The following EYS variants were observed in gnomAD, a reference collection of about 807,000 sequenced individuals.
EYS encodes the protein protein eyes shut homolog.
In EYS, 250 loss-of-function variants were observed where a neutral mutation model predicts 282.1. The ratio of observed to expected loss-of-function variants is 0.89; its 90% confidence interval spans 0.80 to 0.98. EYS has a LOEUF of 0.98. EYS is among the 50% of genes least tolerant of loss of function. The probability of loss-of-function intolerance (pLI) is 0.00; values close to 1 mark genes in which losing one functional copy is unlikely to be tolerated. For synonymous variants in EYS, 1,355 were observed against 1,282.9 expected, an observed-to-expected ratio of 1.06 and a Z score of -1.20; for missense variants, 4,016 against 3,709.0, an observed-to-expected ratio of 1.08 and a Z score of -2.15.
At chr6:63,817,544 C>T (rs185140522) in intron 36 of EYS, among the ~76,000 whole-genome samples, 3 of 152,106 alleles carry the variant, frequency 2.0e-5, no homozygotes, top group African/African-American at 7.2e-5. Flanking sequence ...CTCTTCCCCC[C>T]AGTCTCCTGT....
intron 1 of EYS, among the ~76,000 whole-genome samples, chr6:65,678,809 A>C (rs1768717395): frequency 1.2e-5 from 1 of 84,676 alleles, no homozygotes; most frequent in Non-Finnish European, 2.6e-5. Flanking sequence ...ATGAAAATAT[A>C]CATCTCCAAA....
At chr6:65,018,875 C>A (rs1452893030) in intron 13 of EYS, among the ~76,000 whole-genome samples, 3 of 151,896 alleles carry the variant, frequency 2.0e-5, no homozygotes, top group African/African-American at 7.3e-5. Flanking sequence ...TTAAATATAG[C>A]TAGATTGTGC....
intron 2 of EYS, among the ~76,000 whole-genome samples, chr6:65,514,236 C>T (rs549682390): frequency 0.011 from 1,719 of 151,360 alleles, 21 homozygotes; most frequent in African/African-American, 0.012. Flanking sequence ...TTACAAGGGA[C>T]GTGAAGGACC....
At position 63,720,302 on chromosome 6, in the gene EYS, C is replaced by T; in HGVS notation, c.*294G>A. The stretch of plus-strand genomic sequence containing the variant: ...TTACACGTTGATTTTAAAATGTAAG[C>T]ATTAGGGATAGGTAAAAAGTGAATA... On this transcript the variant is annotated 3_prime_UTR_variant, in exon 43 of 43. Transcript: ENST00000503581. 1 of 383,096 alleles carries T rather than the reference C, an allele frequency of 2.6e-6. No individual in the cohort carries two copies. The highest frequency in any genetic ancestry group is 3.7e-5 in the East Asian group (1 of 27,216). 23.7% of individuals were successfully genotyped at this position (383,096 alleles called of 1,614,324 possible).
chr6:65,137,470 A>AAGCAC (rs1270931596), intron 12 of EYS, among the ~76,000 whole-genome samples: 3 of 152,088 alleles, frequency 2.0e-5, no homozygotes, highest in Admixed American at 2.0e-4. Context: ...GGCAATAGAA[A>AAGCAC]AGCACTGGAG....
At chr6:65,592,691 T>C (rs910151339) in intron 2 of EYS, among the ~76,000 whole-genome samples, 1 of 151,990 alleles carries the variant, frequency 6.6e-6, no homozygotes, top group Non-Finnish European at 1.5e-5. Flanking sequence ...GGCCCTGCCA[T>C]GATGCACCAC....
intron 31 of EYS, among the ~76,000 whole-genome samples, chr6:64,088,663 C>T (rs1482336985): frequency 6.6e-6 from 1 of 151,794 alleles, no homozygotes; most frequent in Non-Finnish European, 1.5e-5. Context: ...AAGCATAGTT[C>T]TGTAGTATGA....
intron 26 of EYS, among the ~76,000 whole-genome samples, chr6:64,458,993 A>G (rs1440884329): frequency 2.0e-5 from 3 of 152,190 alleles, no homozygotes; most frequent in African/African-American, 7.2e-5. Flanking sequence ...GTGGTTCCTT[A>G]TACGAATTCC....
chr6:65,694,105 C>T (rs1769345260), intron 1 of EYS, among the ~76,000 whole-genome samples: 1 of 149,772 alleles, frequency 6.7e-6, no homozygotes, highest in African/African-American at 2.4e-5. Flanking sequence ...CAAAATTAGC[C>T]AGGCGTGGTG....
chr6:64,561,404 A>T (rs1466762044), intron 26 of EYS, among the ~76,000 whole-genome samples: 1 of 152,148 alleles, frequency 6.6e-6, no homozygotes, highest in South Asian at 2.1e-4. Flanking sequence ...TGCAGACAAC[A>T]TGATTCTATA....
chr6:64,782,328 T>C (rs1013453006), intron 22 of EYS, among the ~76,000 whole-genome samples: 6 of 152,196 alleles, frequency 3.9e-5, no homozygotes, highest in Admixed American at 3.9e-4. Context: ...AGGAAACAAA[T>C]GTGTCTTGCT....
At chr6:65,646,154 C>A (rs1048479920) in intron 1 of EYS, among the ~76,000 whole-genome samples, 1 of 151,894 alleles carries the variant, frequency 6.6e-6, no homozygotes, top group South Asian at 2.1e-4. Context: ...TAAAGAAAGA[C>A]GGAATCCTCC....
intron 13 of EYS, among the ~76,000 whole-genome samples, chr6:65,020,825 A>T (rs564745020): frequency 6.6e-6 from 1 of 152,238 alleles, no homozygotes; most frequent in Admixed American, 6.5e-5. Context: ...CCAAACCTCA[A>T]TTCTTGTCTT....
At chr6:63,741,282 T>C (rs1242692883) in intron 41 of EYS, among the ~76,000 whole-genome samples, 1 of 152,196 alleles carries the variant, frequency 6.6e-6, no homozygotes. Context: ...TACTCCTGTT[T>C]AACAAGTGCA....
In EYS at chr6:65,006,034, G is replaced by T. The variant is rs186160734; in HGVS notation, c.2138-8331C>A. Among the ~76,000 whole-genome samples, 15 of 152,024 alleles carry T rather than the reference G, an allele frequency of 9.9e-5. No individual in the cohort carries two copies. In the East Asian group the frequency reaches 1.4e-3, roughly 14 times the overall value. On this transcript the variant is annotated intron_variant, in intron 13 of 42. Transcript: ENST00000503581. ...AGTTGTATCTCCAAAGGGATCTAAG[G>T]AGGCTCTACACTGTGTCCTTAGGCA...
chr6:64,455,132 G>A (rs1267475226), intron 26 of EYS, among the ~76,000 whole-genome samples: 1 of 151,996 alleles, frequency 6.6e-6, no homozygotes, highest in Non-Finnish European at 1.5e-5. Context: ...GGCTGATGTT[G>A]AACTCTTGGA....
At chr6:65,231,256 C>T (rs1228994072) in intron 12 of EYS, among the ~76,000 whole-genome samples, 1 of 147,264 alleles carries the variant, frequency 6.8e-6, no homozygotes, top group Non-Finnish European at 1.5e-5. Context: ...GCAATAATAT[C>T]CTGCATATGA....
chr6:64,927,318 T>C (rs1768549428), intron 15 of EYS, among the ~76,000 whole-genome samples: 1 of 152,064 alleles, frequency 6.6e-6, no homozygotes, highest in Non-Finnish European at 1.5e-5. Context: ...TACCCACAGA[T>C]TATTGAGCAA....
At chr6:64,095,202 G>T (rs1772546232) in intron 31 of EYS, among the ~76,000 whole-genome samples, 1 of 151,834 alleles carries the variant, frequency 6.6e-6, no homozygotes, top group South Asian at 2.1e-4. Flanking sequence ...AATAGGTGTG[G>T]TGTGATGCTG....
Sources: gnomAD v4.1 joint callset for allele counts (sites outside exome capture counted in the v4.1 genomes callset) on GRCh38, gnomAD v4.1.1 for gene constraint, MANE v1.5 for transcripts, NCBI Gene and HGNC (gene_info 2026-07-23, HGNC 2026-07-21) for gene names.